The following SPTLC3 variants were observed in gnomAD, a reference collection of about 807,000 sequenced individuals.
SPTLC3 encodes serine palmitoyltransferase long chain base subunit 3.
SPTLC3 carries 36 observed loss-of-function variants against 59.3 expected under a neutral mutation model. That is an observed-to-expected ratio of 0.61 (90% confidence interval 0.47 to 0.80). The LOEUF is 0.80. SPTLC3 is among the 30% of genes least tolerant of loss of function. The probability of loss-of-function intolerance (pLI) is 0.00; values close to 1 mark genes in which losing one functional copy is unlikely to be tolerated. For synonymous variants in SPTLC3, 257 were observed against 240.8 expected (o/e 1.07, Z -0.62); for missense variants, 625 against 685.1 (o/e 0.91, Z 0.98).
intron 9 of SPTLC3, among the ~76,000 whole-genome samples, chr20:13,129,388 GT>G (rs1485963116): frequency 6.6e-6 from 1 of 152,174 alleles, no homozygotes; most frequent in Non-Finnish European, 1.5e-5. Context: ...ATGAAAAACT[GT>G]TCTGGAACTA....
chr20:13,049,272 C>A (rs934335), intron 2 of SPTLC3, 142 bp downstream of exon 2: 1 of 891,136 alleles, frequency 1.1e-6, no homozygotes, highest in Non-Finnish European at 1.8e-6. Flanking sequence ...ATCTCCACCT[C>A]CTAAACCCCA....
rs1340772949 is a variant in SPTLC3, at chr20:13,126,612, G to T, written c.1174G>T (p.Val392Phe). The change falls in exon 9 of 12, where the codon GTT (valine) becomes TTT (phenylalanine). Residue 392 changes from valine (V) to phenylalanine (F), a missense_variant. Transcript: ENST00000399002. ...TAAGGACCTCGTGGATTATTTACGG[G>T]TTCACTCGCATAGTGCTGTTTATGC... ...GRKDLVDYLRVHSHSAVYASS... is the reference protein window; with the variant it reads ...GRKDLVDYLRFHSHSAVYASS... 1.2e-6 allele frequency: 2 copies of T among 1,613,656 alleles called. No individual in the cohort carries two copies. Among genetic ancestry groups the T allele is most frequent in the Non-Finnish European group, 1.7e-6 (2 of 1,179,860 alleles).
chr20:13,089,712 A>G (rs7262758), intron 4 of SPTLC3, among the ~76,000 whole-genome samples: 73,189 of 149,408 alleles, frequency 0.49, 17,860 homozygotes, highest in African/African-American at 0.54. Context: ...ATTGAACCCG[A>G]GAGGCTGAGG....
intron 1 of SPTLC3, among the ~76,000 whole-genome samples, chr20:13,017,441 G>A (rs1985588966): frequency 6.6e-6 from 1 of 152,102 alleles, no homozygotes; most frequent in Non-Finnish European, 1.5e-5. Context: ...AGAGTACATG[G>A]CCTCCCTGAA....
chr20:13,026,794 C>T (rs1798529492), intron 1 of SPTLC3, among the ~76,000 whole-genome samples: 1 of 152,148 alleles, frequency 6.6e-6, no homozygotes, highest in Non-Finnish European at 1.5e-5. Context: ...GGCCAATTCC[C>T]ATGCCCTTTT....
At position 13,127,740 on chromosome 20, in the gene SPTLC3, T is replaced by C. The variant is rs185781816; in HGVS notation, c.1279+1023T>C. Among the ~76,000 whole-genome samples the C allele has an allele frequency of 3.9e-3, 594 of 152,312 alleles. 6 individuals are homozygous for C. The highest frequency in any genetic ancestry group is 0.013 in the African/African-American group (553 of 41,558). ...GACACTTGTTTGAAAGACAAGACTT[T>C]TTCTTTTTCACTAAAGCAGGGTAAA... On this transcript the variant is annotated intron_variant, in intron 9 of 11. Coordinates refer to ENST00000399002, the MANE Select transcript of SPTLC3 (RefSeq NM_018327.4).
At chr20:13,086,358 T>A (rs36096824) in intron 4 of SPTLC3, among the ~76,000 whole-genome samples, 14,967 of 152,150 alleles carry the variant, frequency 0.098, 794 homozygotes, top group Middle Eastern at 0.17. Flanking sequence ...AAAAGGAAGA[T>A]TTTTCATTAT....
At chr20:13,113,561 T>C (rs568941931) in intron 7 of SPTLC3, among the ~76,000 whole-genome samples, 10 of 152,304 alleles carry the variant, frequency 6.6e-5, no homozygotes, top group African/African-American at 2.2e-4. Context: ...TCACCATTCA[T>C]AGGTATTATT....
At chr20:13,029,831 G>T (rs1986341815) in intron 1 of SPTLC3, among the ~76,000 whole-genome samples, 1 of 152,120 alleles carries the variant, frequency 6.6e-6, no homozygotes, top group Admixed American at 6.6e-5. Context: ...GCTATGTGCA[G>T]CCACACACCA....
intron 2 of SPTLC3, among the ~76,000 whole-genome samples, chr20:13,067,943 T>C (rs1988288027): frequency 6.6e-6 from 1 of 152,204 alleles, no homozygotes. Flanking sequence ...AATTTGGTAA[T>C]AGTTTTAACA....
chr20:13,014,329 A>AC (rs1021187567), intron 1 of SPTLC3, among the ~76,000 whole-genome samples: 4 of 152,202 alleles, frequency 2.6e-5, no homozygotes, highest in African/African-American at 9.6e-5. Context: ...TGTGTATCTG[A>AC]CCTAGGCTGG....
At chr20:13,109,985 C>T (rs1990133158) in intron 6 of SPTLC3, 127 bp from the exon 7 acceptor site, 2 of 702,954 alleles carry the variant, frequency 2.8e-6, no homozygotes, top group Non-Finnish European at 4.6e-6. Flanking sequence ...TAAGGGTTCT[C>T]TGATTCTGAA....
At chr20:13,030,229 C>T (rs976853596) in intron 1 of SPTLC3, among the ~76,000 whole-genome samples, 3 of 152,204 alleles carry the variant, frequency 2.0e-5, no homozygotes, top group Non-Finnish European at 4.4e-5. Context: ...TGTCAAAACA[C>T]ACCTCTGTTG....
intron 10 of SPTLC3, among the ~76,000 whole-genome samples, chr20:13,159,559 T>C (rs1199758634): frequency 6.6e-6 from 1 of 152,228 alleles, no homozygotes; most frequent in Non-Finnish European, 1.5e-5. Context: ...GTATTATTGG[T>C]ATTAAGTTTA....
intron 1 of SPTLC3, among the ~76,000 whole-genome samples, chr20:13,041,384 G>A (rs532332812): frequency 6.6e-6 from 1 of 152,018 alleles, no homozygotes; most frequent in Non-Finnish European, 1.5e-5. Context: ...CTGCTATTGA[G>A]CCCCTCTAGT....
At chr20:13,012,341 A>G (rs1045752508) in intron 1 of SPTLC3, among the ~76,000 whole-genome samples, 3 of 152,342 alleles carry the variant, frequency 2.0e-5, no homozygotes, top group African/African-American at 7.2e-5. Flanking sequence ...TAATATTACC[A>G]GGTATAGGTT....
intron 1 of SPTLC3, among the ~76,000 whole-genome samples, chr20:13,021,813 T>C (rs1401426713): frequency 6.6e-6 from 1 of 152,150 alleles, no homozygotes; most frequent in Admixed American, 6.5e-5. Flanking sequence ...TGCTGAGAAA[T>C]CAACTATCAG....
chr20:13,161,636 A>G (rs1033778482), intron 11 of SPTLC3, among the ~76,000 whole-genome samples: 3 of 152,210 alleles, frequency 2.0e-5, no homozygotes, highest in African/African-American at 7.2e-5. Context: ...GGAGGGTCAA[A>G]ATGCCCCTCA....
chr20:13,078,748 C>T (rs1034204518), intron 4 of SPTLC3, among the ~76,000 whole-genome samples: 2 of 152,074 alleles, frequency 1.3e-5, no homozygotes, highest in African/African-American at 4.8e-5. Flanking sequence ...GGGTTTCAAG[C>T]TGTGACCTAT....
Sources: gnomAD v4.1 joint callset for allele counts (sites outside exome capture counted in the v4.1 genomes callset) on GRCh38, gnomAD v4.1.1 for gene constraint, MANE v1.5 for transcripts, NCBI Gene and HGNC (gene_info 2026-07-23, HGNC 2026-07-21) for gene names.